HS1BP3: variants seen among roughly 807,000 people sequenced by gnomAD.
The protein encoded by HS1BP3 is HCLS1-binding protein 3.
HS1BP3 carries 32 observed loss-of-function variants against 33.5 expected under a neutral mutation model. The ratio of observed to expected loss-of-function variants is 0.95; its 90% CI spans 0.72 to 1.28. The LOEUF (loss-of-function observed/expected upper bound fraction) is 1.28. HS1BP3 is among the 50% of genes most tolerant of loss of function. HS1BP3 has a pLI of 0.00. For synonymous variants in HS1BP3, 187 were observed against 209.2 expected, an observed-to-expected ratio of 0.89 and a Z score of 0.92; for missense variants, 486 against 502.3, an observed-to-expected ratio of 0.97 and a Z score of 0.31.
intron 6 of HS1BP3, among the ~76,000 whole-genome samples, chr2:20,621,676 A>G (rs1024420088): frequency 7.2e-5 from 11 of 152,238 alleles, no homozygotes; most frequent in African/African-American, 1.9e-4. Flanking sequence ...TGGAAAATAA[A>G]GCAGCCGCTA....
intron 5 of HS1BP3, among the ~76,000 whole-genome samples, chr2:20,561,751 T>C (rs999532864): frequency 9.2e-5 from 14 of 152,234 alleles, no homozygotes; most frequent in Admixed American, 8.5e-4. Context: ...TCTGGCACAC[T>C]GCTCCTTAAA....
intron 5 of HS1BP3, among the ~76,000 whole-genome samples, chr2:20,577,528 G>C (rs10177787): frequency 2.0e-5 from 3 of 152,038 alleles, no homozygotes; most frequent in African/African-American, 7.3e-5. Context: ...ACATGTTAGC[G>C]GCTTGGAGGT....
At chr2:20,579,646 G>A (rs182251535) in intron 5 of HS1BP3, among the ~76,000 whole-genome samples, 81 of 152,272 alleles carry the variant, frequency 5.3e-4, no homozygotes, top group Non-Finnish European at 9.7e-4. Context: ...GGGGCCCACT[G>A]AGCTGCCTGG....
downstream of HS1BP3, chr2:20,592,497 C>A (rs191694308): frequency 6.0e-5 from 10 of 167,178 alleles, no homozygotes; most frequent in African/African-American, 2.2e-4. Flanking sequence ...AGGAGTAAGC[C>A]CAGGAGAGCA....
At chr2:20,597,273 G>A (rs998644282) in intron 3 of HS1BP3, among the ~76,000 whole-genome samples, 1 of 152,182 alleles carries the variant, frequency 6.6e-6, no homozygotes, top group African/African-American at 2.4e-5. Context: ...GAGTAACCAC[G>A]GCAACACCAT....
intron 4 of HS1BP3, among the ~76,000 whole-genome samples, chr2:20,626,097 C>T (rs1029944590): frequency 2.6e-5 from 4 of 152,110 alleles, no homozygotes; most frequent in African/African-American, 9.7e-5. Context: ...TGGTAACACG[C>T]TGCGGCAAAA....
In HS1BP3 at chr2:20,641,195, G is replaced by A; in HGVS notation, c.199-15C>T. ...TTTTTGGAGACCTGGAATGAGAGGA[G>A]CATGTGGTTTCCTGAGTGAAGAGTG... On this transcript the variant is annotated splice_polypyrimidine_tract_variant and intron_variant, in intron 2 of 6. Transcript: ENST00000304031. The A allele has an allele frequency of 1.3e-6, 2 of 1,597,106 alleles. No individual in the cohort carries two copies. The highest frequency in any genetic ancestry group is 1.7e-6 in the Non-Finnish European group (2 of 1,176,590).
chr2:20,628,222 G>A (rs1694850810), intron 4 of HS1BP3, among the ~76,000 whole-genome samples: 1 of 152,132 alleles, frequency 6.6e-6, no homozygotes, highest in South Asian at 2.1e-4. Context: ...ACCTGTGCTG[G>A]GGACGAGGGA....
chr2:20,587,972 C>A (rs1389314129), downstream of HS1BP3, among the ~76,000 whole-genome samples: 2 of 151,960 alleles, frequency 1.3e-5, no homozygotes, highest in Non-Finnish European at 2.9e-5. Flanking sequence ...CTCCTCCACC[C>A]AGGACATGGA....
At chr2:20,571,749 C>T (rs113624575) in intron 5 of HS1BP3, among the ~76,000 whole-genome samples, 1 of 152,352 alleles carries the variant, frequency 6.6e-6, no homozygotes, top group African/African-American at 2.4e-5. Flanking sequence ...GGAGTCTTTC[C>T]CTGGAGCCTG....
At chr2:20,637,259 G>A (rs1695165232) in intron 4 of HS1BP3, 1 of 152,292 alleles carries the variant, frequency 6.6e-6, no homozygotes, top group African/African-American at 2.4e-5. Context: ...CAGAACAACA[G>A]AGAATGTGAG....
intron 5 of HS1BP3, among the ~76,000 whole-genome samples, chr2:20,580,011 C>CTACA (rs1693494268): frequency 6.6e-6 from 1 of 152,250 alleles, no homozygotes; most frequent in South Asian, 2.1e-4. Context: ...CTATCCTAAT[C>CTACA]TACATACCCT....
At chr2:20,627,569 T>G (rs554620403) in intron 4 of HS1BP3, among the ~76,000 whole-genome samples, 23 of 152,328 alleles carry the variant, frequency 1.5e-4, no homozygotes, top group African/African-American at 4.8e-4. Flanking sequence ...CTCCTCCAAC[T>G]GGATCATGTC....
In HS1BP3 at chr2:20,619,128, A is replaced by G. The variant is rs577242302; in HGVS notation, c.1038T>C (p.Val346=). Residue 346 remains valine (V), a synonymous_variant, in exon 7 of 7, where the codon GTT becomes GTC. Transcript: ENST00000304031. ...CTTCAGCCGGGCCCGCTTTGGGGGG[A>G]ACAGCTGGTTTTCTGGGTATCACCG... ...AKPVIPRKPA[V]PPKAGPAEAV... The G allele has an allele frequency of 1.2e-6, 2 of 1,613,786 alleles. No homozygotes were observed. Among genetic ancestry groups the G allele is most frequent in the East Asian group, 2.2e-5 (1 of 44,866 alleles).
downstream of HS1BP3, among the ~76,000 whole-genome samples, chr2:20,588,768 TC>T (rs1267362349): frequency 1.3e-5 from 2 of 152,070 alleles, no homozygotes; most frequent in East Asian, 3.9e-4. Flanking sequence ...AAAAGCAAGC[TC>T]CCTAAAAGCC....
chr2:20,571,782 C>T (rs916400392), intron 5 of HS1BP3, among the ~76,000 whole-genome samples: 4 of 152,258 alleles, frequency 2.6e-5, no homozygotes, highest in African/African-American at 9.6e-5. Context: ...GGTCCACCTG[C>T]TCACATCAGG....
chr2:20,602,102 T>C (rs576844969), intron 2 of HS1BP3, among the ~76,000 whole-genome samples: 1 of 150,854 alleles, frequency 6.6e-6, no homozygotes, highest in Admixed American at 6.6e-5. Context: ...TGTGAGGAGA[T>C]AGGTTATCAG....
intron 5 of HS1BP3, among the ~76,000 whole-genome samples, chr2:20,563,568 G>A (rs866813538): frequency 3.3e-5 from 5 of 152,292 alleles, no homozygotes; most frequent in Middle Eastern, 3.4e-3. Context: ...CCATGGTGGA[G>A]CTGCCCTCCT....
At chr2:20,627,264 G>A (rs1694815953) in intron 4 of HS1BP3, among the ~76,000 whole-genome samples, 2 of 152,216 alleles carry the variant, frequency 1.3e-5, no homozygotes, top group African/African-American at 2.4e-5. Flanking sequence ...CCCAGCAGCA[G>A]CTCCATGCCA....
Sources: gnomAD v4.1 joint callset for allele counts (sites outside exome capture counted in the v4.1 genomes callset) on GRCh38, gnomAD v4.1.1 for gene constraint, MANE v1.5 for transcripts, NCBI Gene and HGNC (gene_info 2026-07-23, HGNC 2026-07-21) for gene names.